The following CPED1 variants were observed in gnomAD, a reference collection of about 807,000 sequenced individuals.
CPED1 encodes cadherin like and PC-esterase domain containing 1, also known as cadherin-like and PC-esterase domain-containing protein 1.
Under a neutral mutation model 128.2 loss-of-function variants are expected in CPED1, and 114 were observed. That is an observed-to-expected ratio of 0.89 (90% CI 0.76 to 1.04). The LOEUF (loss-of-function observed/expected upper bound fraction) is 1.04. CPED1 is among the 50% of genes least tolerant of loss of function. The pLI, the probability that CPED1 is intolerant of heterozygous loss-of-function variation, is 0.00. For synonymous variants in CPED1, 462 were observed against 426.7 expected (o/e 1.08, Z -1.02); for missense variants, 1,211 against 1,207.1 (o/e 1.00, Z -0.05).
At chr7:121,255,717 G>A (rs1199721867) in intron 18 of CPED1, among the ~76,000 whole-genome samples, 3 of 151,964 alleles carry the variant, frequency 2.0e-5, no homozygotes, top group Non-Finnish European at 2.9e-5. Context: ...GAAGTTTTAG[G>A]ATACAAAATC....
intron 7 of CPED1, among the ~76,000 whole-genome samples, chr7:121,109,472 A>G (rs1795055252): frequency 6.6e-6 from 1 of 152,156 alleles, no homozygotes; most frequent in South Asian, 2.1e-4. Flanking sequence ...TTCAAACAGG[A>G]GAGGAAATTC....
chr7:121,099,324 C>T (rs901341484), intron 6 of CPED1, among the ~76,000 whole-genome samples: 2 of 152,016 alleles, frequency 1.3e-5, no homozygotes, highest in East Asian at 1.9e-4. Context: ...TTAAATTCAA[C>T]TTTATTCTAC....
At chr7:121,221,573 CCCA>C (rs1584608419) in intron 16 of CPED1, among the ~76,000 whole-genome samples, 3 of 152,348 alleles carry the variant, frequency 2.0e-5, no homozygotes, top group East Asian at 1.9e-4. Flanking sequence ...AATTTACACT[CCCA>C]CCAACAGTGT....
intron 22 of CPED1, among the ~76,000 whole-genome samples, chr7:121,280,991 C>T (rs1792449815): frequency 6.6e-6 from 1 of 152,202 alleles, no homozygotes; most frequent in African/African-American, 2.4e-5. Flanking sequence ...TACCCTGTCT[C>T]CTCTTCAGAC....
chr7:121,167,395 G>A (rs1796553893), intron 16 of CPED1, among the ~76,000 whole-genome samples: 1 of 152,048 alleles, frequency 6.6e-6, no homozygotes, highest in Admixed American at 6.5e-5. Flanking sequence ...ATTTCTTTAT[G>A]GAAAAAAGAG....
At chr7:121,270,943 A>C (rs976639902) in intron 21 of CPED1, among the ~76,000 whole-genome samples, 6 of 152,102 alleles carry the variant, frequency 3.9e-5, no homozygotes, top group Admixed American at 3.3e-4. Context: ...AATAGCATTA[A>C]ATCTGTAGAT....
intron 5 of CPED1, among the ~76,000 whole-genome samples, chr7:121,067,797 A>G (rs1016808020): frequency 6.6e-6 from 1 of 152,102 alleles, no homozygotes; most frequent in African/African-American, 2.4e-5. Context: ...CTTTTTAATG[A>G]TGGCCATTCT....
chr7:121,021,556 T>C (rs1792443333), intron 3 of CPED1, among the ~76,000 whole-genome samples: 1 of 151,960 alleles, frequency 6.6e-6, no homozygotes, highest in African/African-American at 2.4e-5. Flanking sequence ...AAATTGCCCA[T>C]AAGTAAGACG....
intron 5 of CPED1, among the ~76,000 whole-genome samples, chr7:121,079,508 T>C (rs868223052): frequency 6.6e-6 from 1 of 152,250 alleles, no homozygotes; most frequent in African/African-American, 2.4e-5. Context: ...ATATGTAGAA[T>C]TGCCTTTCTG....
At chr7:121,054,408 A>T (rs1793439736) in intron 4 of CPED1, among the ~76,000 whole-genome samples, 1 of 152,200 alleles carries the variant, frequency 6.6e-6, no homozygotes. Flanking sequence ...ATACCCATAC[A>T]TTAATTTCAG....
At chr7:121,047,480 A>G (rs1360719968) in intron 4 of CPED1, among the ~76,000 whole-genome samples, 1 of 152,108 alleles carries the variant, frequency 6.6e-6, no homozygotes, top group East Asian at 1.9e-4. Flanking sequence ...TCCAATGTTT[A>G]CCATGTGCTA....
Position 121,173,312 on chromosome 7 carries a change from G to T in CPED1, c.2055+31171G>T, listed in dbSNP as rs114128794. Among the ~76,000 whole-genome samples, 1,474 of 152,086 alleles carry T rather than the reference G, an allele frequency of 9.7e-3. 28 individuals are homozygous for T. The highest frequency in any genetic ancestry group is 0.033 in the African/African-American group (1,378 of 41,500). The stretch of plus-strand genomic sequence containing the variant: ...GCAGGTTTGTTACATAGGTAAATTT[G>T]TGTCACAGGGATTTGTTATACAGAT... On this transcript the variant is annotated intron_variant, in intron 16 of 22. Coordinates refer to ENST00000310396, the MANE Select transcript of CPED1 (RefSeq NM_024913.5).
At chr7:121,053,794 AATTT>A (rs1437480541) in intron 4 of CPED1, among the ~76,000 whole-genome samples, 1 of 152,174 alleles carries the variant, frequency 6.6e-6, no homozygotes, top group Non-Finnish European at 1.5e-5. Context: ...TTTATTCAAT[AATTT>A]ATTTATGTCA....
chr7:121,252,783 A>G (rs1798709866), intron 18 of CPED1, among the ~76,000 whole-genome samples: 1 of 152,206 alleles, frequency 6.6e-6, no homozygotes, highest in Non-Finnish European at 1.5e-5. Context: ...CACACCAGTT[A>G]GAATGGTGAT....
intron 15 of CPED1, among the ~76,000 whole-genome samples, chr7:121,141,588 C>T (rs1012073164): frequency 6.6e-6 from 1 of 152,122 alleles, no homozygotes; most frequent in South Asian, 2.1e-4. Context: ...CAGGACAACC[C>T]GGGTTCCAAA....
chr7:121,046,777 A>T, intron 3 of CPED1, 110 bp from the exon 4 acceptor site: 1 of 670,928 alleles, frequency 1.5e-6, no homozygotes, highest in Non-Finnish European at 2.5e-6. Context: ...GAGATCATTT[A>T]CTTGTGTTTC....
In CPED1 at chr7:121,295,358, C is replaced by T. The variant is rs112114473; in HGVS notation, c.2869-82C>T. The stretch of plus-strand genomic sequence containing the variant: ...TAGCAACATCTGTGTGGCAGAGATG[C>T]ATGTTCAAGTTTGAGAGTTAGTTAT... On this transcript the variant is annotated intron_variant, in intron 22 of 22. Transcript: ENST00000310396. The T allele has an allele frequency of 4.7e-5, 69 of 1,473,548 alleles. No individual in the cohort carries two copies. In the African/African-American group the frequency reaches 7.0e-4, roughly 15 times the overall value. 91.3% of individuals were successfully genotyped at this position (1,473,548 alleles called of 1,614,324 possible). A position where few individuals can be genotyped will look rare whatever the true frequency, so the allele number is the denominator to read the frequency against.
intron 3 of CPED1, among the ~76,000 whole-genome samples, chr7:121,033,289 CCT>C (rs1792784796): frequency 6.6e-6 from 1 of 152,140 alleles, no homozygotes; most frequent in African/African-American, 2.4e-5. Flanking sequence ...ATTATCATTT[CCT>C]GTGTTTTCTT....
In CPED1 at chr7:121,018,769, G is replaced by C. The variant is rs551151413; in HGVS notation, c.433+2921G>C. On this transcript the variant is annotated intron_variant, in intron 3 of 22. Transcript: ENST00000310396. Reference sequence around the variant, plus strand: ...CGAATTATTTATGTATACTTGAAGAGTAGTACATATTTAGCAATTTTCTGT... The same window carrying C: ...CGAATTATTTATGTATACTTGAAGACTAGTACATATTTAGCAATTTTCTGT... Among the ~76,000 whole-genome samples, 6 of 152,142 alleles carry C rather than the reference G, an allele frequency of 3.9e-5. No individual in the cohort carries two copies. The South Asian group carries it at 6.2e-4, about 16-fold the overall frequency.
Sources: gnomAD v4.1 joint callset for allele counts (sites outside exome capture counted in the v4.1 genomes callset) on GRCh38, gnomAD v4.1.1 for gene constraint, MANE v1.5 for transcripts, NCBI Gene and HGNC (gene_info 2026-07-23, HGNC 2026-07-21) for gene names.